AGBL4: variants seen among roughly 807,000 people sequenced by gnomAD.
AGBL4 encodes the protein cytosolic carboxypeptidase 6.
A neutral mutation model predicts 66.4 loss-of-function variants in AGBL4; 58 were observed. The observed-to-expected ratio is 0.87, with a 90% CI of 0.71 to 1.09. AGBL4 has a LOEUF of 1.09. Ranked by LOEUF, AGBL4 falls within the 50% of genes least tolerant of loss-of-function variation. AGBL4 has a pLI of 0.00. For synonymous variants in AGBL4, 234 were observed against 222.9 expected (o/e 1.05, Z -0.44); for missense variants, 579 against 631.0 (o/e 0.92, Z 0.88).
rs555335566 is a variant in AGBL4 at position 49,954,335 on chromosome 1, T to C, written c.34+69428A>G. ...ATTAACAGTATTAAGAGGTGGAACC[T>C]TTAAGAAGTGATTAGGCCATGAGGG... On this transcript the variant is annotated intron_variant, in intron 1 of 13. Coordinates refer to ENST00000371839, the MANE Select transcript of AGBL4 (RefSeq NM_032785.4). Among the ~76,000 whole-genome samples, 238 of 152,118 alleles carry C rather than the reference T, an allele frequency of 1.6e-3. 2 individuals carry two copies. Among genetic ancestry groups the C allele is most frequent in the Non-Finnish European group, 2.6e-3 (178 of 67,940 alleles).
chr1:48,839,522 C>T (rs1384116129), intron 6 of AGBL4, among the ~76,000 whole-genome samples: 1 of 152,010 alleles, frequency 6.6e-6, no homozygotes, highest in Non-Finnish European at 1.5e-5. Flanking sequence ...GAGCTAAAAA[C>T]ATTGATGTCC....
At chr1:48,788,844 T>A (rs544337497) in intron 6 of AGBL4, among the ~76,000 whole-genome samples, 1 of 152,256 alleles carries the variant, frequency 6.6e-6, no homozygotes, top group East Asian at 1.9e-4. Flanking sequence ...TGGGATACAG[T>A]AGAGAATCAG....
At chr1:49,048,307 C>G (rs1056939008) in intron 4 of AGBL4, 24 of 152,260 alleles carry the variant, frequency 1.6e-4, no homozygotes, top group African/African-American at 5.5e-4. Context: ...CCTCTTCCAG[C>G]CAAGTTCTGC....
chr1:49,649,827 A>G (rs1316186652), intron 3 of AGBL4, among the ~76,000 whole-genome samples: 2 of 152,186 alleles, frequency 1.3e-5, no homozygotes, highest in Admixed American at 6.5e-5. Context: ...ACTAAAAATA[A>G]GTAACAAAAA....
chr1:49,095,007 T>G (rs1314463679), intron 4 of AGBL4, among the ~76,000 whole-genome samples: 2 of 152,158 alleles, frequency 1.3e-5, no homozygotes, highest in Non-Finnish European at 2.9e-5. Flanking sequence ...AAAATCAATG[T>G]GCAAAAATCA....
Position 49,335,411 on chromosome 1 carries a change from C to T in AGBL4, c.283-89547G>A, listed in dbSNP as rs1016788622. Among the ~76,000 whole-genome samples, 4 of 152,162 alleles carry T rather than the reference C, an allele frequency of 2.6e-5. No individual in the cohort carries two copies. In the South Asian group the frequency reaches 8.3e-4, roughly 32 times the overall value. On this transcript the variant is annotated intron_variant, in intron 3 of 13. Transcript: ENST00000371839. ...TTCTGTATATAATTCATTCTCTACA[C>T]ACTAATCAGGGTGGTTTTTCTGTAA...
rs1166559971 is a variant in AGBL4 at position 50,021,772 on chromosome 1, C to T, written c.34+1991G>A. Reference sequence around the variant, plus strand: ...TCCACTCTTGTATCCTCTGTACTCTCCACATTGTAGCCAGAGTTATTTTTT... The same window carrying T: ...TCCACTCTTGTATCCTCTGTACTCTTCACATTGTAGCCAGAGTTATTTTTT... On this transcript the variant is annotated intron_variant, in intron 1 of 13. Transcript: ENST00000371839. Among the ~76,000 whole-genome samples the T allele has an allele frequency of 2.0e-5, 3 of 152,172 alleles. No individual in the cohort carries two copies. In the South Asian group the frequency reaches 6.2e-4, roughly 32 times the overall value.
At chr1:49,678,249 G>A (rs975822633) in intron 3 of AGBL4, among the ~76,000 whole-genome samples, 3 of 151,952 alleles carry the variant, frequency 2.0e-5, no homozygotes, top group African/African-American at 7.3e-5. Flanking sequence ...ATGTGTGTAG[G>A]GCTATTCATA....
At chr1:49,435,818 A>G (rs1240736366) in intron 3 of AGBL4, among the ~76,000 whole-genome samples, 1 of 152,230 alleles carries the variant, frequency 6.6e-6, no homozygotes, top group Non-Finnish European at 1.5e-5. Flanking sequence ...TGAAGAAAAT[A>G]GAGCTTAGTT....
At chr1:49,584,535 C>T (rs575363498) in intron 3 of AGBL4, among the ~76,000 whole-genome samples, 1 of 152,186 alleles carries the variant, frequency 6.6e-6, no homozygotes, top group Admixed American at 6.5e-5. Context: ...TAGACAATGA[C>T]CATAATTTTT....
chr1:49,999,323 T>C (rs1434980184), intron 1 of AGBL4, among the ~76,000 whole-genome samples: 1 of 110,632 alleles, frequency 9.0e-6, no homozygotes, highest in Non-Finnish European at 1.9e-5. Flanking sequence ...CAACCCCTTT[T>C]ACTACCACTG....
At chr1:49,784,121 C>T (rs1327809356) in intron 2 of AGBL4, among the ~76,000 whole-genome samples, 1 of 152,024 alleles carries the variant, frequency 6.6e-6, no homozygotes, top group African/African-American at 2.4e-5. Flanking sequence ...CAGAAATTGG[C>T]AATTTTGTTC....
At chr1:49,190,096 G>A (rs937770240) in intron 4 of AGBL4, among the ~76,000 whole-genome samples, 6 of 152,168 alleles carry the variant, frequency 3.9e-5, no homozygotes, top group East Asian at 3.9e-4. Context: ...AGAGAACTAC[G>A]TAAGGCAAGG....
Position 48,534,284 on chromosome 1 carries a change from T to A in AGBL4, c.1401A>T (p.Lys467Asn). 1 of 1,550,348 alleles carries A rather than the reference T, an allele frequency of 6.5e-7. No individual in the cohort carries two copies. The highest frequency in any genetic ancestry group is 1.4e-5 in the African/African-American group (1 of 72,956). Residue 467 changes from lysine to asparagine, a missense_variant, in exon 14 of 14, where the codon AAA (lysine) becomes AAT (asparagine). Transcript: ENST00000371839. Reference protein sequence around the residue: ...KEIEVQRRKEKSPPYKHPLLR... With the variant: ...KEIEVQRRKENSPPYKHPLLR... ...GGAGTGGGTGCTTGTAAGGAGGGGATTTTTCTTTCCTGCAAAGGGGGAGAT... is the reference window on the plus strand; with the variant it reads ...GGAGTGGGTGCTTGTAAGGAGGGGAATTTTCTTTCCTGCAAAGGGGGAGAT...
chr1:49,845,162 A>C lies in AGBL4; in HGVS notation c.157+6234T>G, dbSNP rs191399353. 7.0e-5 allele frequency: 98 copies of C among 1,398,786 alleles called. No individual in the cohort carries two copies. The East Asian group carries it at 1.6e-3, about 23-fold the overall frequency. The allele number at this position is 1,398,786 out of a possible 1,614,324, so 86.6% of individuals were successfully genotyped here. A position where few individuals can be genotyped will look rare whatever the true frequency, so the allele number is the denominator to read the frequency against. ...ACGCATACAGGACAGAGACCTTATG[A>C]ATGTCACAAATGAGGAAAAGTCTTC... On this transcript the variant is annotated intron_variant, in intron 2 of 13. Transcript: ENST00000371839.
intron 2 of AGBL4, among the ~76,000 whole-genome samples, chr1:49,716,033 A>G (rs868866813): frequency 6.6e-6 from 1 of 152,072 alleles, no homozygotes; most frequent in African/African-American, 2.4e-5. Flanking sequence ...GCCCATGCCT[A>G]TCTCTTGAAA....
At chr1:49,007,368 G>T (rs1358459058) in intron 5 of AGBL4, among the ~76,000 whole-genome samples, 1 of 149,152 alleles carries the variant, frequency 6.7e-6, no homozygotes, top group East Asian at 2.0e-4. Context: ...CAAGAAATAT[G>T]GGACTATGTG....
chr1:49,673,819 AT>A (rs1646527713), intron 3 of AGBL4, among the ~76,000 whole-genome samples: 1 of 151,940 alleles, frequency 6.6e-6, no homozygotes, highest in Non-Finnish European at 1.5e-5. Flanking sequence ...AATAATCACA[AT>A]CTAGTGTGCT....
intron 3 of AGBL4, among the ~76,000 whole-genome samples, chr1:49,498,216 C>T (rs945736468): frequency 7.2e-5 from 11 of 151,796 alleles, no homozygotes; most frequent in Admixed American, 5.9e-4. Flanking sequence ...TGCATATTGA[C>T]GTTGTATCCT....
Sources: gnomAD v4.1 joint callset for allele counts (sites outside exome capture counted in the v4.1 genomes callset) on GRCh38, gnomAD v4.1.1 for gene constraint, MANE v1.5 for transcripts, NCBI Gene and HGNC (gene_info 2026-07-23, HGNC 2026-07-21) for gene names.